SKIC3: variants seen among roughly 807,000 people sequenced by gnomAD.
SKIC3 encodes superkiller complex protein 3.
the SKIC3 span, chr5:95,523,131 C>A: frequency 3.8e-6 from 6 of 1,582,648 alleles, no homozygotes; most frequent in Non-Finnish European, 5.2e-6. Context: ...TGGTAAGAGA[C>A]AATTAAAATG....
the SKIC3 span, among the ~76,000 whole-genome samples, chr5:95,484,363 T>TC: frequency 7.0e-6 from 1 of 142,286 alleles, no homozygotes; most frequent in African/African-American, 2.7e-5. Flanking sequence ...TTTTTTTTTT[T>TC]CCAGACAGGA....
chr5:95,494,273 G>A, the SKIC3 span, among the ~76,000 whole-genome samples: 1 of 152,000 alleles, frequency 6.6e-6, no homozygotes, highest in Admixed American at 6.6e-5. Flanking sequence ...ATAATCAAAC[G>A]ATATGCAAAA....
chr5:95,468,913 T>G, the SKIC3 span, among the ~76,000 whole-genome samples: 2 of 152,174 alleles, frequency 1.3e-5, no homozygotes, highest in East Asian at 1.9e-4. Flanking sequence ...GCCTAAAACA[T>G]TTCTTAGTGA....
chr5:95,499,991 G>A, the SKIC3 span, among the ~76,000 whole-genome samples: 1 of 151,664 alleles, frequency 6.6e-6, no homozygotes, highest in Non-Finnish European at 1.5e-5. Context: ...ATTTTATACT[G>A]TAATAAAAAT....
chr5:95,539,398 A>T, the SKIC3 span, among the ~76,000 whole-genome samples: 1 of 152,346 alleles, frequency 6.6e-6, no homozygotes, highest in Middle Eastern at 3.4e-3. Flanking sequence ...CCACAATGCA[A>T]TACCACCTTA....
At chr5:95,480,665 T>C in the SKIC3 span, among the ~76,000 whole-genome samples, 1 of 152,144 alleles carries the variant, frequency 6.6e-6, no homozygotes, top group Non-Finnish European at 1.5e-5. Flanking sequence ...ATATACCCTA[T>C]GTCCCACCAA....
chr5:95,550,383 C>T, the SKIC3 span, among the ~76,000 whole-genome samples: 13 of 147,736 alleles, frequency 8.8e-5, no homozygotes, highest in Non-Finnish European at 1.3e-4. Context: ...ATAATGACAA[C>T]GGAAGCTAAT....
the SKIC3 span, among the ~76,000 whole-genome samples, chr5:95,526,990 C>G: frequency 2.6e-5 from 4 of 152,174 alleles, no homozygotes; most frequent in Non-Finnish European, 5.9e-5. Context: ...AGCATCCCCC[C>G]AAACATTTGT....
At chr5:95,490,935 C>T in the SKIC3 span, 1 of 1,614,104 alleles carries the variant, frequency 6.2e-7, no homozygotes, top group Non-Finnish European at 8.5e-7. Context: ...GATAACAGTG[C>T]CAAGTATAAA....
the SKIC3 span, chr5:95,554,881 C>T: frequency 6.5e-3 from 1,159 of 179,242 alleles, 5 homozygotes; most frequent in Non-Finnish European, 8.4e-3. Flanking sequence ...CTCTAAGTAC[C>T]ATTTCAATCG....
At chr5:95,553,828 G>A in the SKIC3 span, among the ~76,000 whole-genome samples, 1 of 150,564 alleles carries the variant, frequency 6.6e-6, no homozygotes, top group Non-Finnish European at 1.5e-5. Flanking sequence ...CAAAGTGCTG[G>A]GATTACAGGC....
chr5:95,535,768 T>C, the SKIC3 span, among the ~76,000 whole-genome samples: 2 of 152,156 alleles, frequency 1.3e-5, no homozygotes, highest in Non-Finnish European at 2.9e-5. Flanking sequence ...TTTCAACCCT[T>C]TTTTCACTAT....
chr5:95,482,023 C>T, the SKIC3 span, among the ~76,000 whole-genome samples: 13 of 152,064 alleles, frequency 8.5e-5, no homozygotes, highest in Non-Finnish European at 1.9e-4. Flanking sequence ...ACCAGAGCCA[C>T]CTGAAAGAGC....
At chr5:95,477,724 T>C in the SKIC3 span, among the ~76,000 whole-genome samples, 2 of 152,202 alleles carry the variant, frequency 1.3e-5, no homozygotes, top group Non-Finnish European at 2.9e-5. Context: ...ATATACATTC[T>C]TAAAAATTCA....
At chr5:95,546,881 G>A in the SKIC3 span, 2 of 615,014 alleles carry the variant, frequency 3.3e-6, no homozygotes, top group South Asian at 1.9e-5. Flanking sequence ...AGAAAGTTAA[G>A]TTTGGCAGAG....
the SKIC3 span, chr5:95,521,916 TA>T: frequency 1.0e-6 from 1 of 1,001,034 alleles, no homozygotes; most frequent in Non-Finnish European, 1.5e-6. Context: ...AGCTATACTG[TA>T]AGAGGTTCAT....
the SKIC3 span, chr5:95,464,657 G>A: frequency 9.9e-6 from 16 of 1,613,320 alleles, no homozygotes; most frequent in Admixed American, 2.2e-4. Flanking sequence ...GTATCTCCAT[G>A]AGTTTTGGCA....
chr5:95,487,640 CA>C, the SKIC3 span, among the ~76,000 whole-genome samples: 1 of 152,182 alleles, frequency 6.6e-6, no homozygotes, highest in South Asian at 2.1e-4. Flanking sequence ...GAATCAAAGC[CA>C]AAGTGACCTA....
chr5:95,522,393 A>G, the SKIC3 span: 1 of 1,484,226 alleles, frequency 6.7e-7, no homozygotes, highest in Non-Finnish European at 9.1e-7. Context: ...TAATTCAAGT[A>G]AACATATATA....
Sources: allele counts gnomAD v4.1 joint callset (sites outside exome capture counted in the v4.1 genomes callset), GRCh38; gene constraint gnomAD v4.1.1; transcripts MANE v1.5; gene names NCBI Gene and HGNC (gene_info 2026-07-23, HGNC 2026-07-21).